The following CAPN14 variants were observed in gnomAD, a reference collection of about 807,000 sequenced individuals.
CAPN14 encodes the protein calpain 14.
A neutral mutation model predicts 101.3 loss-of-function variants in CAPN14; 94 were observed. The observed-to-expected ratio is 0.93, with a 90% CI of 0.79 to 1.10. The LOEUF is 1.10. CAPN14 is among the 50% of genes least tolerant of loss of function. The pLI, the probability that CAPN14 is intolerant of heterozygous loss-of-function variation, is 0.00. For missense variants in CAPN14, 837 were observed against 828.4 expected, an observed-to-expected ratio of 1.01 and a Z score of -0.13; for synonymous variants, 338 against 317.9, an observed-to-expected ratio of 1.06 and a Z score of -0.67.
At chr2:31,219,893 G>A (rs561601152), upstream of CAPN14, among the ~76,000 whole-genome samples, 250 of 152,280 alleles carry the variant, frequency 1.6e-3, 1 homozygote, top group Middle Eastern at 6.8e-3. Context: ...GGTCAAATGC[G>A]TCTGTGGCAC....
chr2:31,210,462 TAAAATAAA>T, intron 1 of CAPN14, among the ~76,000 whole-genome samples: 2 of 27,472 alleles, frequency 7.3e-5, no homozygotes, highest in South Asian at 2.6e-3. Flanking sequence ...AAATAAAACA[TAAAATAAA>T]ATAAAATAAA....
chr2:31,197,802 G>A (rs1193366722), intron 7 of CAPN14, among the ~76,000 whole-genome samples: 1 of 152,168 alleles, frequency 6.6e-6, no homozygotes, highest in Non-Finnish European at 1.5e-5. Flanking sequence ...GCAGAGAATG[G>A]AGTTATGTAG....
chr2:31,211,183 C>A lies in CAPN14; in HGVS notation c.-52-5684G>T, dbSNP rs116730869. ...GTAATTCCTAGTTAAGCCAATAAAA[C>A]AGAAAGAAAGAAAAAAGAAAGAAAG... On this transcript the variant is annotated intron_variant, in intron 1 of 21. Coordinates refer to ENST00000403897, the MANE Select transcript of CAPN14 (RefSeq NM_001145122.2). Among the ~76,000 whole-genome samples, 876 of 119,370 alleles carry A rather than the reference C, an allele frequency of 7.3e-3. 6 individuals carry two copies. The highest frequency in any genetic ancestry group is 0.025 in the African/African-American group (819 of 32,470). 78.3% of individuals were successfully genotyped at this position (119,370 alleles called of 152,430 possible). A position where few individuals can be genotyped will look rare whatever the true frequency, so the allele number is the denominator to read the frequency against.
At chr2:31,191,785 A>G in intron 11 of CAPN14, 150 bp downstream of exon 11, 1 of 720,132 alleles carries the variant, frequency 1.4e-6, no homozygotes, top group Non-Finnish European at 2.2e-6. Flanking sequence ...GTTCTAAATC[A>G]CATGTTCCTA....
At position 31,201,985 on chromosome 2, in the gene CAPN14, C is replaced by T. The variant is rs1681810306; in HGVS notation, c.428G>A (p.Gly143Glu). The T allele has an allele frequency of 6.4e-7, 1 of 1,551,692 alleles. No homozygotes were observed. The highest frequency in any genetic ancestry group is 2.0e-5 in the Admixed American group (1 of 50,996). The change falls in exon 5 of 22, where the codon GGG becomes GAG. Residue 143 changes from glycine to glutamate, a missense_variant. Coordinates refer to ENST00000403897, the MANE Select transcript of CAPN14 (RefSeq NM_001145122.2). ...ATCGATCACCACAGGAACCCAGTTC[C>T]CATAGTGCCAGAACTGGAGGGAGAG... ...GIFRFWFWHYGNWVPVVIDDR... is the reference protein window; with the variant it reads ...GIFRFWFWHYENWVPVVIDDR...
chr2:31,208,115 C>A (rs1302374580), intron 1 of CAPN14, among the ~76,000 whole-genome samples: 1 of 151,922 alleles, frequency 6.6e-6, no homozygotes, highest in Non-Finnish European at 1.5e-5. Context: ...TAACCCAGGT[C>A]ACAGAAACTC....
In CAPN14 at chr2:31,176,572, T is replaced by C. The variant is rs376056257; in HGVS notation, c.2028+15A>G. The C allele has an allele frequency of 1.0e-5, 16 of 1,550,636 alleles. No individual in the cohort carries two copies. Among genetic ancestry groups the C allele is most frequent in the African/African-American group, 1.4e-5 (1 of 73,030 alleles). Reference sequence around the variant, plus strand: ...CGTAAGATGACATGAGCCACCTCCTTGGGGCAAGTCTTACCTCTGGCTTCT... The same window carrying C: ...CGTAAGATGACATGAGCCACCTCCTCGGGGCAAGTCTTACCTCTGGCTTCT... On this transcript the variant is annotated intron_variant, in intron 21 of 21. Coordinates refer to ENST00000403897, the MANE Select transcript of CAPN14 (RefSeq NM_001145122.2).
chr2:31,205,423 A>G lies in CAPN14; in HGVS notation c.25T>C (p.Cys9Arg), dbSNP rs987374434. 1.9e-6 allele frequency: 3 copies of G among 1,551,486 alleles called. No homozygotes were observed. The East Asian group carries it at 7.3e-5, about 38-fold the overall frequency. ...TACCTTGGCGCCAGCTTCCATCTGC[A>G]TCGGAAAGGTGGCCACAGAGACATG... MSLWPPFR[C>R]RWKLAPRYSR... is the part of the protein sequence containing the mutation. Residue 9 changes from cysteine (C) to arginine (R), a missense_variant, in exon 2 of 22, where the codon TGC (cysteine) becomes CGC (arginine). Physicochemically the swap from Cys to Arg is radical, Grantham distance 180 (BLOSUM62 -3). Transcript: ENST00000403897.
At chr2:31,191,510 G>T in intron 11 of CAPN14, 103 bp from the exon 12 acceptor site, 1 of 1,153,310 alleles carries the variant, frequency 8.7e-7, no homozygotes, top group Non-Finnish European at 1.2e-6. Flanking sequence ...CCGAATAGAA[G>T]CTGATATACA....
chr2:31,200,459 G>A lies in CAPN14; in HGVS notation c.718C>T (p.His240Tyr). 2.6e-6 allele frequency: 4 copies of A among 1,549,358 alleles called. No homozygotes were observed. The highest frequency in any genetic ancestry group is 2.6e-6 in the Non-Finnish European group (3 of 1,146,556). Reference protein sequence around the residue: ...YNRTLIGCQTHSGEKILENGL... With the variant: ...YNRTLIGCQTYSGEKILENGL... The stretch of plus-strand genomic sequence containing the variant: ...TGGCAGCCCAGTCTCACCCCTGAGT[G>A]GGTCTGGCAGCCAATGAGGGTTCTG... The change falls in exon 6 of 22, where the codon CAC becomes TAC. Residue 240 changes from histidine to tyrosine, a missense_variant. His to Tyr is a moderately conservative substitution (Grantham distance 83, BLOSUM62 2). Coordinates refer to ENST00000403897, the MANE Select transcript of CAPN14 (RefSeq NM_001145122.2).
Position 31,190,477 on chromosome 2 carries a change from A to G in CAPN14, c.1287+922T>C, listed in dbSNP as rs138728121. Reference sequence around the variant, plus strand: ...AATCTCAGAGCTAAATTGCATAATGAGCCACGGTAGCTGTCCTGGGTTTAG... The same window carrying G: ...AATCTCAGAGCTAAATTGCATAATGGGCCACGGTAGCTGTCCTGGGTTTAG... On this transcript the variant is annotated intron_variant, in intron 12 of 21. Transcript: ENST00000403897. 1.4e-4 allele frequency among the ~76,000 whole-genome samples: 21 copies of G among 152,276 alleles called. No individual in the cohort carries two copies. In the East Asian group the frequency reaches 3.7e-3, roughly 27 times the overall value.
intron 16 of CAPN14, among the ~76,000 whole-genome samples, chr2:31,182,633 G>A (rs1312763245): frequency 1.5e-5 from 2 of 136,744 alleles, no homozygotes; most frequent in African/African-American, 3.1e-5. Flanking sequence ...TACAAGGGAC[G>A]TGAAGGACCT....
At chr2:31,195,172 G>A (rs1435871718) in intron 8 of CAPN14, among the ~76,000 whole-genome samples, 2 of 152,010 alleles carry the variant, frequency 1.3e-5, no homozygotes, top group African/African-American at 4.8e-5. Flanking sequence ...GGGGCTACAT[G>A]AAAAAAAGGA....
Position 31,196,538 on chromosome 2 carries a change from G to A in CAPN14, c.875+711C>T, listed in dbSNP as rs114512900. On this transcript the variant is annotated intron_variant, in intron 8 of 21. Coordinates refer to ENST00000403897, the MANE Select transcript of CAPN14 (RefSeq NM_001145122.2). ...ATTTTATCAATATAAAAATGATTAA[G>A]TGATAATGTGTATATGGACACGTTT... 5.6e-3 allele frequency among the ~76,000 whole-genome samples: 853 copies of A among 152,260 alleles called. 6 individuals carry two copies. The highest frequency in any genetic ancestry group is 0.02 in the African/African-American group (816 of 41,550).
rs1434462851 is a variant in CAPN14, at chr2:31,230,743, T to G, written c.-177+3048A>C. Among the ~76,000 whole-genome samples, 4 of 152,242 alleles carry G rather than the reference T, an allele frequency of 2.6e-5. No homozygotes were observed. Among genetic ancestry groups the G allele is most frequent in the Admixed American group, 1.3e-4 (2 of 15,286 alleles). Reference sequence around the variant, plus strand: ...AGCCATTAGTTCTATATTCTGGATGTGCTTTCATGGGTTTTTGTGTATAGG... The same window carrying G: ...AGCCATTAGTTCTATATTCTGGATGGGCTTTCATGGGTTTTTGTGTATAGG... On this transcript the variant is annotated intron_variant and NMD_transcript_variant, in intron 1 of 21. Coordinates refer to the CAPN14 transcript ENST00000398824. The surrounding 1 kb of genome is among the most constrained non-coding windows in gnomAD (Gnocchi z 4.3).
intron 17 of CAPN14, 31 bp downstream of exon 17, chr2:31,180,905 C>G (rs1440593604): frequency 1.9e-6 from 3 of 1,540,010 alleles, no homozygotes; most frequent in Middle Eastern, 3.4e-4. Context: ...CAACCAACAG[C>G]AAGCATCCAC....
At chr2:31,205,649 GAGTGTGGGTCCTTGAGCACTCACTCA>G in intron 1 of CAPN14, 150 bp from the exon 2 acceptor site, 1 of 613,754 alleles carries the variant, frequency 1.6e-6, no homozygotes, top group Non-Finnish European at 2.9e-6. Context: ...TTGTCCCAGA[GAGTGTGGGTCCTTGAGCACTCACTCA>G]AGTGCTTGAG....
upstream of CAPN14, among the ~76,000 whole-genome samples, chr2:31,220,040 C>T (rs980933724): frequency 1.1e-4 from 17 of 152,290 alleles, no homozygotes; most frequent in African/African-American, 3.9e-4. Flanking sequence ...CTTCAGGGCA[C>T]GGGAAAGCAA....
intron 1 of CAPN14, among the ~76,000 whole-genome samples, chr2:31,207,046 C>T (rs1162402811): frequency 6.6e-6 from 1 of 152,154 alleles, no homozygotes; most frequent in Non-Finnish European, 1.5e-5. Flanking sequence ...GCCCTGACTC[C>T]CATAACAATG....
Sources: gnomAD v4.1 joint callset for allele counts (sites outside exome capture counted in the v4.1 genomes callset) on GRCh38, gnomAD v4.1.1 for gene constraint, Gnocchi (gnomAD v3.1) non-coding constraint, MANE v1.5 for transcripts, NCBI Gene and HGNC (gene_info 2026-07-23, HGNC 2026-07-21) for gene names.